Variants in WWP2 observed in about 807,000 individuals in gnomAD.
The protein encoded by WWP2 is NEDD4-like E3 ubiquitin-protein ligase WWP2.
WWP2 carries 57 observed loss-of-function variants against 121.0 expected under a neutral mutation model. That is an observed-to-expected ratio of 0.47 (90% CI 0.38 to 0.59). WWP2 has a LOEUF of 0.59. Among genes scored for constraint, WWP2 ranks in the 20% least tolerant of loss-of-function variants. The pLI, the probability that WWP2 is intolerant of heterozygous loss-of-function variation, is 0.00. For synonymous variants in WWP2, 449 were observed against 441.3 expected (o/e 1.02, Z -0.22); for missense variants, 962 against 1,158.9 (o/e 0.83, Z 2.47).
chr16:69,785,335 C>CT (rs1319968358), intron 1 of WWP2, among the ~76,000 whole-genome samples: 2 of 152,038 alleles, frequency 1.3e-5, no homozygotes, highest in African/African-American at 4.8e-5. Flanking sequence ...GAAAGTTAGA[C>CT]TTTTGGAATG....
chr16:69,822,075 T>C (rs74338582), intron 4 of WWP2, among the ~76,000 whole-genome samples: 5,130 of 152,046 alleles, frequency 0.034, 240 homozygotes, highest in African/African-American at 0.11. Flanking sequence ...CTTTGTTGCC[T>C]GAGCTGGTCT....
chr16:69,912,772 C>G (rs1259160749), intron 9 of WWP2, among the ~76,000 whole-genome samples: 1 of 149,698 alleles, frequency 6.7e-6, no homozygotes, highest in African/African-American at 2.5e-5. Flanking sequence ...CAGCTGGGCA[C>G]GGTGGCTCAC....
intron 7 of WWP2, among the ~76,000 whole-genome samples, chr16:69,876,865 C>A (rs2057744703): frequency 6.6e-6 from 1 of 152,130 alleles, no homozygotes; most frequent in Admixed American, 6.5e-5. Flanking sequence ...AACAGTAGGT[C>A]TCAACAGTGG....
chr16:69,912,918 CAAAACAAAAAAAAA>C (rs2058405013), intron 9 of WWP2, among the ~76,000 whole-genome samples: 5 of 31,808 alleles, frequency 1.6e-4, no homozygotes, highest in African/African-American at 4.9e-4. Context: ...CCAGTCTCTA[CAAAACAAAAAAAAA>C]AAAAAAAAAA....
At chr16:69,922,636 C>T (rs531230368) in intron 10 of WWP2, among the ~76,000 whole-genome samples, 27 of 152,264 alleles carry the variant, frequency 1.8e-4, no homozygotes, top group African/African-American at 6.0e-4. Context: ...GAGGGGCAGC[C>T]GGTTGGCTCA....
intron 11 of WWP2, among the ~76,000 whole-genome samples, chr16:69,927,708 C>A (rs2058659494): frequency 6.6e-6 from 1 of 152,266 alleles, no homozygotes; most frequent in Non-Finnish European, 1.5e-5. Flanking sequence ...GGGCTGGGAG[C>A]AGCCCCTCCC....
At chr16:69,845,316 G>C (rs1187000377) in intron 6 of WWP2, among the ~76,000 whole-genome samples, 1 of 152,102 alleles carries the variant, frequency 6.6e-6, no homozygotes, top group African/African-American at 2.4e-5. Context: ...TGCTAAGCCT[G>C]GGAAGTGAGG....
chr16:69,894,075 A>G (rs543468715), intron 8 of WWP2, among the ~76,000 whole-genome samples: 13 of 139,034 alleles, frequency 9.4e-5, no homozygotes, highest in Middle Eastern at 3.8e-3. Flanking sequence ...AGGTTGCTGC[A>G]TTTTTTTTTT....
intron 4 of WWP2, among the ~76,000 whole-genome samples, chr16:69,836,292 C>CT (rs66633306): frequency 1.4e-3 from 209 of 145,920 alleles, no homozygotes; most frequent in Middle Eastern, 6.9e-3. Flanking sequence ...ATCCTGCCTC[C>CT]TTTTTTTTTT....
chr16:69,766,025 GC>G (rs2038721263), intron 1 of WWP2, among the ~76,000 whole-genome samples: 1 of 152,044 alleles, frequency 6.6e-6, no homozygotes, highest in African/African-American at 2.4e-5. Flanking sequence ...TCTAGCCTAG[GC>G]CTGTCTCGAG....
At chr16:69,841,085 T>G (rs1320779698) in intron 5 of WWP2, among the ~76,000 whole-genome samples, 4 of 152,236 alleles carry the variant, frequency 2.6e-5, no homozygotes, top group African/African-American at 9.6e-5. Context: ...CACATATATA[T>G]GTAATTGTAT....
intron 10 of WWP2, among the ~76,000 whole-genome samples, chr16:69,919,068 T>G (rs2151974673): frequency 6.6e-6 from 1 of 152,354 alleles, no homozygotes; most frequent in East Asian, 1.9e-4. Flanking sequence ...GGTCTTGAAC[T>G]CCTGACCTCA....
intron 4 of WWP2, among the ~76,000 whole-genome samples, chr16:69,837,300 A>G (rs1288787335): frequency 1.3e-5 from 2 of 151,360 alleles, no homozygotes; most frequent in African/African-American, 4.8e-5. Flanking sequence ...TCCTGGCCTC[A>G]GGTGATCCTC....
At chr16:69,914,415 T>G (rs987776174) in intron 9 of WWP2, among the ~76,000 whole-genome samples, 14 of 80,632 alleles carry the variant, frequency 1.7e-4, no homozygotes, top group Non-Finnish European at 2.4e-4. Context: ...GAACCAAGAG[T>G]GCCATCCTTC....
At chr16:69,939,294 G>A (rs749851086) in intron 22 of WWP2, 47 bp from the exon 23 acceptor site, 1 of 1,611,548 alleles carries the variant, frequency 6.2e-7, no homozygotes, top group Admixed American at 1.7e-5. Flanking sequence ...CCTGCTTTGG[G>A]AAGGGACGTC....
In WWP2 at chr16:69,786,888, T is replaced by A. The variant is rs915896823; in HGVS notation, c.-15-108T>A. On this transcript the variant is annotated intron_variant, in intron 1 of 23. Transcript: ENST00000359154. ...TACCCTGGTTGCAGTTGCTTGGACG[T>A]TTCTATTTTCTTGCCTGTTTCTTTA... The A allele has an allele frequency of 3.1e-6, 3 of 954,128 alleles. No individual in the cohort carries two copies. In the Admixed American group the frequency reaches 7.6e-5, roughly 24 times the overall value. 59.1% of individuals were successfully genotyped at this position (954,128 alleles called of 1,614,324 possible). A position where few individuals can be genotyped will look rare whatever the true frequency, so the allele number is the denominator to read the frequency against.
chr16:69,819,112 G>A (rs752566957), intron 4 of WWP2, among the ~76,000 whole-genome samples: 3 of 152,042 alleles, frequency 2.0e-5, no homozygotes, highest in Non-Finnish European at 2.9e-5. Flanking sequence ...TTGCCTTTAG[G>A]ATATATTCTG....
rs569327923 is a variant in WWP2 at position 69,859,660 on chromosome 16, G to A, written c.576-12144G>A. ...CCATTCCTTGCTGACCATCAGCGGG[G>A]GTCCCTCTCAACTCCTTAAGCTTCC... On this transcript the variant is annotated intron_variant, in intron 6 of 23. Coordinates refer to ENST00000359154, the MANE Select transcript of WWP2 (RefSeq NM_001270454.2). Among the ~76,000 whole-genome samples, 26 of 152,080 alleles carry A rather than the reference G, an allele frequency of 1.7e-4. No individual in the cohort carries two copies. In the East Asian group the frequency reaches 5.0e-3, roughly 29 times the overall value.
At chr16:69,917,612 G>GGCCT in intron 9 of WWP2, 97 bp from the exon 10 acceptor site, 1 of 1,441,382 alleles carries the variant, frequency 6.9e-7, no homozygotes. Flanking sequence ...TCTGTGACAG[G>GGCCT]GCCTGCCCGG....
Sources: allele counts gnomAD v4.1 joint callset (sites outside exome capture counted in the v4.1 genomes callset), GRCh38; gene constraint gnomAD v4.1.1; transcripts MANE v1.5; gene names NCBI Gene and HGNC (gene_info 2026-07-23, HGNC 2026-07-21).